Variants in USH2A observed in about 807,000 individuals in gnomAD.
USH2A encodes the protein Usher syndrome 2A (autosomal recessive, mild).
A neutral mutation model predicts 538.9 loss-of-function variants in USH2A; 443 were observed. That is an observed-to-expected ratio of 0.82 (90% CI 0.76 to 0.89). The LOEUF (loss-of-function observed/expected upper bound fraction) is 0.89, where lower values mean the gene tolerates loss of function less well. Among genes scored for constraint, USH2A ranks in the 40% least tolerant of loss-of-function variants. USH2A has a pLI of 0.00. For synonymous variants in USH2A, 2,413 were observed against 2,273.5 expected, an observed-to-expected ratio of 1.06 and a Z score of -1.75; for missense variants, 6,633 against 6,324.8, an observed-to-expected ratio of 1.05 and a Z score of -1.65.
At chr1:215,649,030 C>G (rs1007658853) in intron 65 of USH2A, among the ~76,000 whole-genome samples, 1 of 152,132 alleles carries the variant, frequency 6.6e-6, no homozygotes, top group Non-Finnish European at 1.5e-5. Flanking sequence ...ATAATATTAT[C>G]GATTATCTAT....
chr1:216,023,469 A>AAAAAAAAAAAAAAAAAAAAAAAAAAC (rs1668890520), intron 32 of USH2A, among the ~76,000 whole-genome samples: 1 of 148,166 alleles, frequency 6.7e-6, no homozygotes, highest in African/African-American at 2.5e-5. Context: ...CAAAAAAAAA[A>AAAAAAAAAAAAAAAAAAAAAAAAAAC]AAAAAAAAAA....
chr1:216,108,625 C>T (rs1385224765), intron 21 of USH2A, among the ~76,000 whole-genome samples: 1 of 151,856 alleles, frequency 6.6e-6, no homozygotes, highest in Non-Finnish European at 1.5e-5. Flanking sequence ...CACATGTTAT[C>T]GATCTGTTTA....
Position 216,083,470 on chromosome 1 carries a change from G to C in USH2A, c.5284C>G (p.Pro1762Ala), listed in dbSNP as rs375496315. 1.2e-6 allele frequency: 2 copies of C among 1,611,330 alleles called. No individual in the cohort carries two copies. The highest frequency in any genetic ancestry group is 2.2e-5 in the South Asian group (2 of 90,892). ...LLLFVYNKDGPDFLAMELKSG... is the reference protein window; with the variant it reads ...LLLFVYNKDGADFLAMELKSG... ...AATTCACATACAGCAAGAAAATCAG[G>C]TCCATCTTTGTTATAAACGAAAAGA... Residue 1762 changes from proline (P) to alanine (A), a missense_variant, in exon 26 of 72, where the codon CCT (proline) becomes GCT (alanine). Pro to Ala is a conservative substitution (Grantham distance 27, BLOSUM62 -1). Transcript: ENST00000307340.
intron 3 of USH2A, among the ~76,000 whole-genome samples, chr1:216,411,539 G>T (rs963758688): frequency 1.3e-5 from 2 of 152,166 alleles, no homozygotes; most frequent in African/African-American, 4.8e-5. Context: ...TGATAATGCA[G>T]ACAGAGGCTG....
At chr1:216,030,470 AT>A (rs1669090346) in intron 32 of USH2A, among the ~76,000 whole-genome samples, 3 of 54,142 alleles carry the variant, frequency 5.5e-5, no homozygotes, top group East Asian at 1.2e-3. Flanking sequence ...CAGACATATA[AT>A]ATATATGATA....
intron 4 of USH2A, 119 bp from the exon 5 acceptor site, chr1:216,327,773 C>T (rs1261376465): frequency 3.3e-6 from 4 of 1,211,484 alleles, no homozygotes; most frequent in Admixed American, 1.8e-5. Flanking sequence ...TATGTCACTG[C>T]CCTTTGAAAC....
At chr1:216,323,752 G>T in intron 7 of USH2A, 57 bp from the exon 8 acceptor site, 1 of 1,537,278 alleles carries the variant, frequency 6.5e-7, no homozygotes, top group Non-Finnish European at 9.0e-7. Flanking sequence ...TGGCAAAACA[G>T]AAATCAAAAT....
chr1:215,656,955 AC>A (rs1657274129), intron 64 of USH2A, among the ~76,000 whole-genome samples: 1 of 152,258 alleles, frequency 6.6e-6, no homozygotes, highest in African/African-American at 2.4e-5. Flanking sequence ...TAACGGGCAA[AC>A]AATTAAATTA....
intron 58 of USH2A, among the ~76,000 whole-genome samples, chr1:215,752,198 T>C (rs1379598550): frequency 6.6e-6 from 1 of 152,192 alleles, no homozygotes; most frequent in Non-Finnish European, 1.5e-5. Flanking sequence ...TGGCAGGATA[T>C]CCACAATTTA....
chr1:215,660,804 T>C (rs186186028), intron 64 of USH2A, among the ~76,000 whole-genome samples: 3 of 152,336 alleles, frequency 2.0e-5, no homozygotes, highest in Admixed American at 2.0e-4. Flanking sequence ...GTTTTCTAGA[T>C]GCTTATAGGC....
intron 11 of USH2A, among the ~76,000 whole-genome samples, chr1:216,271,675 T>A (rs1445103158): frequency 1.3e-5 from 2 of 152,108 alleles, no homozygotes; most frequent in African/African-American, 4.8e-5. Flanking sequence ...CTTTTCAGTT[T>A]GAGGAAGTTC....
chr1:216,171,169 C>T (rs879411753), intron 21 of USH2A, among the ~76,000 whole-genome samples: 1 of 151,620 alleles, frequency 6.6e-6, no homozygotes, highest in Non-Finnish European at 1.5e-5. Flanking sequence ...TTATAGAAAA[C>T]AATTTATTTT....
chr1:216,281,988 G>C (rs1407607608), intron 11 of USH2A, among the ~76,000 whole-genome samples: 1 of 146,684 alleles, frequency 6.8e-6, no homozygotes, highest in African/African-American at 2.5e-5. Flanking sequence ...TGTGCTTGCT[G>C]GTAATTTTAT....
chr1:216,342,117 C>G (rs1273453771), intron 4 of USH2A, among the ~76,000 whole-genome samples: 1 of 152,040 alleles, frequency 6.6e-6, no homozygotes, highest in Non-Finnish European at 1.5e-5. Flanking sequence ...GTCTAATATC[C>G]AGAATCTGCA....
At chr1:216,317,409 G>C (rs1341024826) in intron 9 of USH2A, among the ~76,000 whole-genome samples, 4 of 152,068 alleles carry the variant, frequency 2.6e-5, no homozygotes, top group South Asian at 2.1e-4. Flanking sequence ...TGGGGGCTGT[G>C]GGGGGAAGAG....
At chr1:215,761,710 C>T (rs565607145) in intron 56 of USH2A, among the ~76,000 whole-genome samples, 29 of 152,270 alleles carry the variant, frequency 1.9e-4, no homozygotes, top group African/African-American at 6.7e-4. Context: ...AATATACACA[C>T]AAACAACTGT....
chr1:216,246,761 C>T lies in USH2A; in HGVS notation c.2633G>A (p.Arg878His), dbSNP rs200124505. The T allele has an allele frequency of 9.4e-4, 1,513 of 1,614,086 alleles. 20 individuals are homozygous for T. The South Asian group carries it at 0.013, about 14-fold the overall frequency. Reference protein sequence around the residue: ...CPCKLGVTGLRCNQCEPHRYN... With the variant: ...CPCKLGVTGLHCNQCEPHRYN... ...CCTGTGAGGCTCACACTGATTACAG[C>T]GAAGACCTGTTACCCCTAATTTGCA... The change falls in exon 13 of 72, where the codon CGC becomes CAC. Residue 878 changes from arginine (R) to histidine (H), a missense_variant. Arg to His is a conservative substitution (Grantham distance 29). Transcript: ENST00000307340.
At chr1:215,917,734 G>A (rs528145674) in intron 38 of USH2A, among the ~76,000 whole-genome samples, 112 of 138,396 alleles carry the variant, frequency 8.1e-4, no homozygotes, top group Admixed American at 1.9e-3. Context: ...GCTTGAGCCC[G>A]GGAGTTTGAG....
chr1:216,054,767 T>G (rs539075696), intron 30 of USH2A, among the ~76,000 whole-genome samples: 23 of 152,190 alleles, frequency 1.5e-4, no homozygotes, highest in African/African-American at 5.3e-4. Flanking sequence ...TCTGTCATCT[T>G]CGAATCGCTT....
Sources: gnomAD v4.1 joint callset for allele counts (sites outside exome capture counted in the v4.1 genomes callset) on GRCh38, gnomAD v4.1.1 for gene constraint, MANE v1.5 for transcripts, NCBI Gene and HGNC (gene_info 2026-07-23, HGNC 2026-07-21) for gene names.